The following GALNT17 variants were observed in gnomAD, a reference collection of about 807,000 sequenced individuals.
GALNT17 encodes the protein UDP-GalNAc:polypeptide N-acetylgalactosaminyltransferase-like 3.
GALNT17 carries 29 observed loss-of-function variants against 63.7 expected under a neutral mutation model. The ratio of observed to expected loss-of-function variants is 0.46; its 90% CI spans 0.34 to 0.62. The LOEUF (loss-of-function observed/expected upper bound fraction) is 0.62. Among genes scored for constraint, GALNT17 ranks in the 20% least tolerant of loss-of-function variants. GALNT17 has a pLI of 0.01. For missense variants in GALNT17, 603 were observed against 799.6 expected (o/e 0.75, Z 2.97); for synonymous variants, 305 against 318.3 (o/e 0.96, Z 0.45).
At chr7:71,303,693 TG>T (rs1791240051) in intron 1 of GALNT17, among the ~76,000 whole-genome samples, 1 of 152,180 alleles carries the variant, frequency 6.6e-6, no homozygotes, top group African/African-American at 2.4e-5. Flanking sequence ...GGAGAATTAC[TG>T]CCTTTTTTTT....
At chr7:71,508,384 A>G (rs1788299871) in intron 5 of GALNT17, among the ~76,000 whole-genome samples, 1 of 152,176 alleles carries the variant, frequency 6.6e-6, no homozygotes, top group Non-Finnish European at 1.5e-5. Context: ...CATCATGCAA[A>G]GATTTGTGGT....
At chr7:71,585,404 T>A (rs149294317) in intron 6 of GALNT17, among the ~76,000 whole-genome samples, 102 of 152,358 alleles carry the variant, frequency 6.7e-4, no homozygotes, top group Middle Eastern at 3.4e-3. Context: ...TTTTAGACTC[T>A]ACACTCATTC....
chr7:71,657,898 ATGGATGGG>A (rs1042549115), intron 6 of GALNT17, among the ~76,000 whole-genome samples: 4 of 8,684 alleles, frequency 4.6e-4, no homozygotes, highest in Non-Finnish European at 6.5e-4. Flanking sequence ...GGATGGATGG[ATGGATGGG>A]TGGATGGATG....
At chr7:71,698,723 CAG>C (rs1584145968) in intron 9 of GALNT17, among the ~76,000 whole-genome samples, 2 of 151,968 alleles carry the variant, frequency 1.3e-5, no homozygotes, top group East Asian at 3.9e-4. Flanking sequence ...CCTGGACAAA[CAG>C]AAAGCACAAA....
chr7:71,598,388 A>G (rs1457239847), intron 6 of GALNT17, among the ~76,000 whole-genome samples: 1 of 152,224 alleles, frequency 6.6e-6, no homozygotes. Flanking sequence ...AACATGCTGC[A>G]GTTGACAATG....
rs540544357 is a variant in GALNT17 at position 71,442,242 on chromosome 7, G to A, written c.962+21137G>A. Among the ~76,000 whole-genome samples the A allele has an allele frequency of 2.6e-5, 4 of 152,166 alleles. No individual in the cohort carries two copies. In the East Asian group the frequency reaches 7.7e-4, roughly 29 times the overall value. The stretch of plus-strand genomic sequence containing the variant: ...GATGGAGTCTCACTCTGTCACCCAG[G>A]CTGGAGTGCAATGGCCCGATCTCAG... On this transcript the variant is annotated intron_variant, in intron 5 of 10. Coordinates refer to ENST00000333538, the MANE Select transcript of GALNT17 (RefSeq NM_022479.3).
chr7:71,523,271 T>G (rs925954034), intron 5 of GALNT17, among the ~76,000 whole-genome samples: 2 of 151,864 alleles, frequency 1.3e-5, no homozygotes, highest in Admixed American at 1.3e-4. Flanking sequence ...CAAAATAATT[T>G]TTAAAAATTT....
At chr7:71,598,312 T>C (rs547014427) in intron 6 of GALNT17, among the ~76,000 whole-genome samples, 69 of 152,298 alleles carry the variant, frequency 4.5e-4, no homozygotes, top group African/African-American at 1.6e-3. Flanking sequence ...AAACTCATAT[T>C]CTAGAAGAGA....
intron 5 of GALNT17, among the ~76,000 whole-genome samples, chr7:71,432,958 C>T (rs111393095): frequency 6.6e-6 from 1 of 152,120 alleles, no homozygotes; most frequent in Non-Finnish European, 1.5e-5. Flanking sequence ...AACAGGCATG[C>T]ACCACCACAC....
chr7:71,221,961 G>A (rs1352278195), intron 1 of GALNT17, among the ~76,000 whole-genome samples: 2 of 127,326 alleles, frequency 1.6e-5, no homozygotes, highest in Non-Finnish European at 3.2e-5. Flanking sequence ...AGGCTGGAAT[G>A]TGGTGGCATG....
chr7:71,575,019 A>G (rs1217025703), intron 6 of GALNT17, among the ~76,000 whole-genome samples: 1 of 152,026 alleles, frequency 6.6e-6, no homozygotes, highest in Non-Finnish European at 1.5e-5. Flanking sequence ...AACATCTACT[A>G]CCTTTTTAAC....
At chr7:71,474,698 T>A (rs1787694805) in intron 5 of GALNT17, among the ~76,000 whole-genome samples, 1 of 152,280 alleles carries the variant, frequency 6.6e-6, no homozygotes, top group South Asian at 2.1e-4. Flanking sequence ...GCTGTTAGTT[T>A]CCTACAACTT....
rs773120028 is a variant in GALNT17, at chr7:71,545,734, C to G, written c.963-25551C>G. Among the ~76,000 whole-genome samples the G allele has an allele frequency of 1.9e-3, 292 of 152,238 alleles. 1 individual carries two copies. The highest frequency in any genetic ancestry group is 6.8e-3 in the Middle Eastern group (2 of 294). On this transcript the variant is annotated intron_variant, in intron 5 of 10. Coordinates refer to ENST00000333538, the MANE Select transcript of GALNT17 (RefSeq NM_022479.3). Reference sequence around the variant, plus strand: ...ATGTCAAGTTCTTGAGAGTTCTAATCTTACTGTATTTGCTGAGTCTTACTT... The same window carrying G: ...ATGTCAAGTTCTTGAGAGTTCTAATGTTACTGTATTTGCTGAGTCTTACTT...
chr7:71,296,558 G>T (rs561935636), intron 1 of GALNT17, among the ~76,000 whole-genome samples: 1 of 151,924 alleles, frequency 6.6e-6, no homozygotes, highest in African/African-American at 2.4e-5. Context: ...GGAGGTTGCA[G>T]TGAGCCGAGA....
chr7:71,552,179 G>A (rs1009795832), intron 5 of GALNT17, among the ~76,000 whole-genome samples: 2 of 151,848 alleles, frequency 1.3e-5, no homozygotes, highest in African/African-American at 4.8e-5. Flanking sequence ...TGCATAGCTG[G>A]GACTACAGGA....
intron 5 of GALNT17, among the ~76,000 whole-genome samples, chr7:71,470,500 C>T (rs1787609938): frequency 6.6e-6 from 1 of 152,032 alleles, no homozygotes; most frequent in African/African-American, 2.4e-5. Flanking sequence ...TACTCATACA[C>T]AGACCCAGAT....
At chr7:71,591,018 C>G (rs1417028097) in intron 6 of GALNT17, among the ~76,000 whole-genome samples, 2 of 152,058 alleles carry the variant, frequency 1.3e-5, no homozygotes, top group Admixed American at 1.3e-4. Context: ...ACCTAGGCCT[C>G]CCAAAGTACT....
At chr7:71,455,727 T>G (rs1283098485) in intron 5 of GALNT17, among the ~76,000 whole-genome samples, 1 of 152,136 alleles carries the variant, frequency 6.6e-6, no homozygotes, top group Non-Finnish European at 1.5e-5. Flanking sequence ...ATCTGAAATC[T>G]CAAATCCCAT....
chr7:71,298,217 A>T (rs533833903), intron 1 of GALNT17, among the ~76,000 whole-genome samples: 2 of 152,072 alleles, frequency 1.3e-5, no homozygotes, highest in East Asian at 3.9e-4. Context: ...GATGGGGTTC[A>T]TCATGTTGGC....
Sources: allele counts gnomAD v4.1 joint callset (sites outside exome capture counted in the v4.1 genomes callset), GRCh38; gene constraint gnomAD v4.1.1; transcripts MANE v1.5; gene names NCBI Gene and HGNC (gene_info 2026-07-23, HGNC 2026-07-21).